The following TRIOBP variants were observed in gnomAD, a reference collection of about 807,000 sequenced individuals.
TRIOBP encodes TRIO and F-actin binding protein.
Under a neutral mutation model 238.8 loss-of-function variants are expected in TRIOBP, and 169 were observed. That is an observed-to-expected ratio of 0.71 (90% CI 0.62 to 0.80). The LOEUF (loss-of-function observed/expected upper bound fraction) is 0.80. Among genes scored for constraint, TRIOBP ranks in the 30% least tolerant of loss-of-function variants. The pLI is 0.00. For missense variants in TRIOBP, 2,838 were observed against 3,122.6 expected, an observed-to-expected ratio of 0.91 and a Z score of 2.17; for synonymous variants, 1,150 against 1,274.4, an observed-to-expected ratio of 0.90 and a Z score of 2.08.
At position 37,724,931 on chromosome 22, in the gene TRIOBP, G is replaced by A. The variant is rs1348046865; in HGVS notation, c.2375G>A (p.Arg792Lys). Residue 792 changes from arginine (R) to lysine (K), a missense_variant, in exon 7 of 24, where the codon AGA (arginine) becomes AAA (lysine). By Grantham distance (26) the Arg-to-Lys change is conservative. Transcript: ENST00000644935. The stretch of plus-strand genomic sequence containing the variant: ...AATAGAGCCACACGAGACAACCCCA[G>A]AACATCCTGTGCCCAGCGGGACAAT... ...SPNRATRDNP[R>K]TSCAQRDNLR... The A allele has an allele frequency of 6.2e-7, 1 of 1,612,700 alleles. No individual in the cohort carries two copies.
chr22:37,723,778 C>T lies in TRIOBP; in HGVS notation c.1222C>T (p.Gln408Ter), dbSNP rs2145832569. 7.1e-7 allele frequency: 1 copy of T among 1,417,780 alleles called. No homozygotes were observed. The highest frequency in any genetic ancestry group is 9.9e-7 in the Non-Finnish European group (1 of 1,008,502). 87.8% of individuals were successfully genotyped at this position (1,417,780 alleles called of 1,614,324 possible). A position where few individuals can be genotyped will look rare whatever the true frequency, so the allele number is the denominator to read the frequency against. The change falls in exon 7 of 24, where the codon CAG becomes TAG. Residue 408 changes from glutamine (Q) to a stop codon, truncating the protein, a stop_gained. Coordinates refer to ENST00000644935, the MANE Select transcript of TRIOBP (RefSeq NM_001039141.3). LOFTEE classifies it high-confidence loss of function. Reference protein sequence around the residue: ...QRENSRTSCAQRDNPKASRTS... With the variant: ...QRENSRTSCA ...AGAGAATTCCAGAACATCCTGTGCC[C>T]AGCGGGACAATCCCAAAGCCTCCAG...
rs1924072347 is a variant in TRIOBP at position 37,725,212 on chromosome 22, T to C, written c.2656T>C (p.Ser886Pro). The C allele has an allele frequency of 6.2e-7, 1 of 1,613,872 alleles. No individual in the cohort carries two copies. Among genetic ancestry groups the C allele is most frequent in the African/African-American group, 1.3e-5 (1 of 74,952 alleles). ...ENLRPSSPHR[S>P]TQWNNPRNSS... ...TCTGAGACCATCATCTCCCCACCGC[T>C]CCACTCAATGGAACAATCCCAGGAA... is the stretch of plus-strand genomic sequence containing the variant. Residue 886 changes from serine to proline, a missense_variant, in exon 7 of 24, where the codon TCC becomes CCC. Transcript: ENST00000644935.
Position 37,733,207 on chromosome 22 carries a change from C to T in TRIOBP, c.3948-91C>T. On this transcript the variant is annotated intron_variant, in intron 7 of 23. Coordinates refer to ENST00000644935, the MANE Select transcript of TRIOBP (RefSeq NM_001039141.3). ...AGCTTGCAGTGGGTCCCTGGCTGTC[C>T]CACATCTCCTCCTGTTGGAGGTGGG... The T allele has an allele frequency of 2.9e-6, 3 of 1,033,136 alleles. No homozygotes were observed. In the South Asian group the frequency reaches 4.1e-5, roughly 14 times the overall value. The allele number at this position is 1,033,136 out of a possible 1,614,324, so 64.0% of individuals were successfully genotyped here.
Position 37,735,431 on chromosome 22 carries a change from C to T in TRIOBP, c.5095C>T (p.Pro1699Ser). The part of the protein sequence containing the change: ...SRSTAKGPSL[P>S]ELQFQPEEPE... ...GAGCACTGCGAAGGGCCCCAGCTTG[C>T]CAGAGCTGCAGGTAAGGAGGTTTCC... Residue 1699 changes from proline to serine, a missense_variant, in exon 9 of 24, where the codon CCA becomes TCA. Around this residue, in one of 5 missense-constraint regions of TRIOBP, gnomAD observed 2,096 missense variants for 2,137.4 expected, o/e 0.98. Transcript: ENST00000644935. 2 of 1,566,386 alleles carry T rather than the reference C, an allele frequency of 1.3e-6. No individual in the cohort carries two copies. Among genetic ancestry groups the T allele is most frequent in the Non-Finnish European group, 1.7e-6 (2 of 1,156,320 alleles).
intron 23 of TRIOBP, among the ~76,000 whole-genome samples, chr22:37,773,291 T>C (rs1926877402): frequency 6.6e-6 from 1 of 152,144 alleles, no homozygotes; most frequent in Non-Finnish European, 1.5e-5. Context: ...CAATCACGGC[T>C]CACTGCAGCC....
rs575123401 is a variant in TRIOBP, at chr22:37,738,720, G to A, written c.5184+1G>A. The A allele has an allele frequency of 1.2e-5, 20 of 1,613,918 alleles. No individual in the cohort carries two copies. In the Middle Eastern group the frequency reaches 5.0e-4, roughly 40 times the overall value. ...GACTGACCAGAAGCAGGCAGACTCG[G>A]TAGCTGGGTCATGGGTGTGGGTACA... On this transcript the variant is annotated splice_donor_variant, in intron 10 of 23. Transcript: ENST00000644935. LOFTEE classifies it high-confidence loss of function.
chr22:37,746,531 G>T lies in TRIOBP; in HGVS notation c.5323-5241G>T, dbSNP rs542291904. The T allele has an allele frequency of 1.2e-4, 123 of 989,726 alleles. No individual in the cohort carries two copies. The African/African-American group carries it at 2.1e-3, about 17-fold the overall frequency. 61.3% of individuals were successfully genotyped at this position (989,726 alleles called of 1,614,324 possible). On this transcript the variant is annotated intron_variant, in intron 11 of 23. Coordinates refer to ENST00000644935, the MANE Select transcript of TRIOBP (RefSeq NM_001039141.3). The stretch of plus-strand genomic sequence containing the variant: ...AGCCCCCTCCTCATTTCCCGAAGGC[G>T]AGAGGAGGGCTGGGCCGGAAGACGG...
chr22:37,769,154 G>A lies in TRIOBP; in HGVS notation c.6702G>A (p.Gln2234=), dbSNP rs967951621. The A allele has an allele frequency of 3.7e-6, 6 of 1,611,564 alleles. No homozygotes were observed. The African/African-American group carries it at 6.7e-5, about 18-fold the overall frequency. The part of the protein sequence containing the change: ...EEREHTLRRC[Q]QEGQELLRHN... Reference sequence around the variant, plus strand: ...GCGAGCACACGCTGCGCCGCTGCCAGCAGGAGGGCCAGGAGCTGCTGCGCC... The same window carrying A: ...GCGAGCACACGCTGCGCCGCTGCCAACAGGAGGGCCAGGAGCTGCTGCGCC... Residue 2234 remains glutamine (Q), a synonymous_variant, in exon 20 of 24, where the codon CAG becomes CAA. Transcript: ENST00000644935.
chr22:37,727,495 C>T (rs1248400565), intron 7 of TRIOBP, among the ~76,000 whole-genome samples: 2 of 151,864 alleles, frequency 1.3e-5, no homozygotes, highest in Admixed American at 6.6e-5. Flanking sequence ...GGTGAAACCC[C>T]ATCTCTACTA....
chr22:37,734,071 G>T (rs1237925905), intron 8 of TRIOBP, among the ~76,000 whole-genome samples: 1 of 152,214 alleles, frequency 6.6e-6, no homozygotes, highest in African/African-American at 2.4e-5. Flanking sequence ...AAACCCAGAG[G>T]GCTAGGCCCG....
chr22:37,710,421 GC>G lies in TRIOBP; in HGVS notation c.115-3del. ...GAGCTGTCTCCTCTCTCCAACCCTG[GC>G]CCAGGAGCTCAGGAGCCCTTCAGGT... On this transcript the variant is annotated splice_polypyrimidine_tract_variant and splice_region_variant and intron_variant, in intron 3 of 23. Coordinates refer to ENST00000644935, the MANE Select transcript of TRIOBP (RefSeq NM_001039141.3). 3 of 1,613,230 alleles carry G rather than the reference GC, an allele frequency of 1.9e-6. No individual in the cohort carries two copies. Among genetic ancestry groups the G allele is most frequent in the East Asian group, 2.2e-5 (1 of 44,882 alleles).
At chr22:37,753,400 G>A (rs1050191060) in intron 12 of TRIOBP, among the ~76,000 whole-genome samples, 9 of 151,962 alleles carry the variant, frequency 5.9e-5, no homozygotes, top group African/African-American at 1.7e-4. Flanking sequence ...TCAGCCTCCC[G>A]AGTAGCCGGG....
chr22:37,754,835 A>G (rs778818987), intron 12 of TRIOBP, 42 bp from the exon 13 acceptor site: 2 of 1,600,304 alleles, frequency 1.2e-6, no homozygotes, highest in Non-Finnish European at 1.7e-6. Context: ...GGACACCTGT[A>G]CAATCACACA....
At chr22:37,711,749 G>C (rs1010745431) in intron 4 of TRIOBP, among the ~76,000 whole-genome samples, 1 of 152,060 alleles carries the variant, frequency 6.6e-6, no homozygotes, top group African/African-American at 2.4e-5. Context: ...TGCGTGCATC[G>C]TGGCTTTTGG....
At chr22:37,757,559 T>C (rs1323460559) in intron 15 of TRIOBP, 54 bp from the exon 16 acceptor site, 6 of 1,541,804 alleles carry the variant, frequency 3.9e-6, no homozygotes, top group Admixed American at 1.9e-5. Flanking sequence ...AAAGTGCTCA[T>C]TGTGGGACTG....
At chr22:37,762,019 A>T (rs1300116868) in intron 17 of TRIOBP, among the ~76,000 whole-genome samples, 2 of 151,928 alleles carry the variant, frequency 1.3e-5, no homozygotes, top group East Asian at 3.9e-4. Flanking sequence ...TGGGGCTGGG[A>T]CCCATTCGTA....
At chr22:37,741,271 G>T (rs1924923405) in intron 11 of TRIOBP, among the ~76,000 whole-genome samples, 1 of 152,026 alleles carries the variant, frequency 6.6e-6, no homozygotes, top group South Asian at 2.1e-4. Context: ...GGAGTGAGGG[G>T]TGATGGAATA....
intron 1 of TRIOBP, 122 bp from the exon 2 acceptor site, chr22:37,697,466 A>G (rs1169407533): frequency 6.6e-6 from 1 of 152,152 alleles, no homozygotes; most frequent in Admixed American, 6.5e-5. Flanking sequence ...CTCTTCCACC[A>G]CCAGGAGTCG....
chr22:37,710,613 C>T, intron 4 of TRIOBP, 47 bp downstream of exon 4: 2 of 1,582,494 alleles, frequency 1.3e-6, no homozygotes, highest in Middle Eastern at 1.7e-4. Context: ...GGGTGGAATG[C>T]CCTCACCCTT....
Sources: gnomAD v4.1 joint callset for allele counts (sites outside exome capture counted in the v4.1 genomes callset) on GRCh38, gnomAD v4.1.1 for gene constraint, gnomAD v4.1.1 regional missense constraint, MANE v1.5 for transcripts, NCBI Gene and HGNC (gene_info 2026-07-23, HGNC 2026-07-21) for gene names.